The following YEATS4 variants were observed in gnomAD, a reference collection of about 807,000 sequenced individuals.
The protein encoded by YEATS4 is YEATS domain-containing protein 4.
A neutral mutation model predicts 30.1 loss-of-function variants in YEATS4; 17 were observed. The observed-to-expected ratio is 0.56, with a 90% CI of 0.39 to 0.85. YEATS4 has a LOEUF of 0.85. Among genes scored for constraint, YEATS4 ranks in the 40% least tolerant of loss-of-function variants. YEATS4 has a pLI of 0.00. For synonymous variants in YEATS4, 85 were observed against 87.5 expected, an observed-to-expected ratio of 0.97 and a Z score of 0.16; for missense variants, 142 against 268.3, an observed-to-expected ratio of 0.53 and a Z score of 3.29.
At chr12:69,365,586 A>T (rs745656140) in intron 2 of YEATS4, 47 bp from the exon 3 acceptor site, 9 of 1,374,668 alleles carry the variant, frequency 6.5e-6, no homozygotes, top group African/African-American at 4.4e-5. Context: ...TTTTTTTCCT[A>T]GTTTTCATTT....
the YEATS4 span, among the ~76,000 whole-genome samples, chr12:69,413,639 G>A: frequency 6.6e-6 from 1 of 151,716 alleles, no homozygotes; most frequent in African/African-American, 2.4e-5. Context: ...ATCACTTGAG[G>A]TCAGGAGTTC....
the YEATS4 span, among the ~76,000 whole-genome samples, chr12:69,412,943 G>A: frequency 6.6e-6 from 1 of 152,088 alleles, no homozygotes; most frequent in African/African-American, 2.4e-5. Context: ...CGGTGGAAGG[G>A]GGAGGGAAAA....
chr12:69,378,332 GA>G (rs968022239), intron 6 of YEATS4, among the ~76,000 whole-genome samples: 18 of 152,116 alleles, frequency 1.2e-4, no homozygotes, highest in African/African-American at 4.1e-4. Context: ...TGTGTCTTTT[GA>G]TTGGAGACTT....
At chr12:69,405,445 T>A in the YEATS4 span, among the ~76,000 whole-genome samples, 35 of 152,110 alleles carry the variant, frequency 2.3e-4, no homozygotes, top group African/African-American at 8.0e-4. Context: ...CAGCGTACAG[T>A]TTTTTTTCTT....
In YEATS4 at chr12:69,359,813, G is replaced by A; in HGVS notation, c.-160G>A. The A allele has an allele frequency of 1.3e-6, 1 of 794,414 alleles. No individual in the cohort carries two copies. The highest frequency in any genetic ancestry group is 2.8e-5 in the East Asian group (1 of 35,566). The allele number at this position is 794,414 out of a possible 1,614,324, so 49.2% of individuals were successfully genotyped here. A position where few individuals can be genotyped will look rare whatever the true frequency, so the allele number is the denominator to read the frequency against. On this transcript the variant is annotated 5_prime_UTR_variant, in exon 1 of 7. The change abolishes the stop of an existing upstream ORF in the 5' untranslated region. Transcript: ENST00000247843. ...AGGAGCACAGTCGGCCTGAGGAGTTGACGGTTACTCACCGCCGTGAGCCCA... is the reference window on the plus strand; with the variant it reads ...AGGAGCACAGTCGGCCTGAGGAGTTAACGGTTACTCACCGCCGTGAGCCCA...
chr12:69,404,637 A>G, the YEATS4 span, among the ~76,000 whole-genome samples: 1 of 152,186 alleles, frequency 6.6e-6, no homozygotes, highest in Admixed American at 6.5e-5. Flanking sequence ...CTCCAGAACC[A>G]TGAGCGAAAT....
chr12:69,420,884 A>G, the YEATS4 span, among the ~76,000 whole-genome samples: 2 of 152,132 alleles, frequency 1.3e-5, no homozygotes, highest in South Asian at 2.1e-4. Flanking sequence ...GATGCTGTAC[A>G]TGGATGGAAT....
At chr12:69,386,809 C>A (rs1375950907) in intron 6 of YEATS4, among the ~76,000 whole-genome samples, 1 of 152,092 alleles carries the variant, frequency 6.6e-6, no homozygotes, top group Non-Finnish European at 1.5e-5. Context: ...ATTCCAAGAA[C>A]CCCAGTGGAT....
At chr12:69,416,813 T>G in the YEATS4 span, among the ~76,000 whole-genome samples, 1 of 152,250 alleles carries the variant, frequency 6.6e-6, no homozygotes. Context: ...TGGCTCATGC[T>G]TGTAATCCCA....
At chr12:69,422,865 T>A in the YEATS4 span, 1 of 152,198 alleles carries the variant, frequency 6.6e-6, no homozygotes, top group African/African-American at 2.4e-5. Flanking sequence ...GAAACTGCAT[T>A]GTGATATGAG....
chr12:69,391,566 C>A (rs1322352603), downstream of YEATS4, among the ~76,000 whole-genome samples: 1 of 152,114 alleles, frequency 6.6e-6, no homozygotes, highest in Non-Finnish European at 1.5e-5. Context: ...TACTTTGTGG[C>A]TTTATTTTTT....
At chr12:69,382,189 A>C (rs1876105134) in intron 6 of YEATS4, among the ~76,000 whole-genome samples, 1 of 152,210 alleles carries the variant, frequency 6.6e-6, no homozygotes. Context: ...CTGCATTTGC[A>C]TGCGATGTTC....
chr12:69,376,308 A>T, intron 6 of YEATS4, among the ~76,000 whole-genome samples: 1 of 152,224 alleles, frequency 6.6e-6, no homozygotes, highest in Non-Finnish European at 1.5e-5. Context: ...GGAGGTTGCA[A>T]TGAGCCGAGA....
the YEATS4 span, among the ~76,000 whole-genome samples, chr12:69,413,419 C>T: frequency 6.6e-6 from 1 of 150,798 alleles, no homozygotes; most frequent in African/African-American, 2.4e-5. Flanking sequence ...CCTGGGATCT[C>T]ACATTGGAAA....
chr12:69,384,351 T>C (rs895938959), intron 6 of YEATS4, among the ~76,000 whole-genome samples: 7 of 152,238 alleles, frequency 4.6e-5, no homozygotes, highest in Non-Finnish European at 8.8e-5. Context: ...ATAATATGTT[T>C]TGTGAAAAGG....
chr12:69,360,434 G>A (rs988849737), intron 1 of YEATS4, among the ~76,000 whole-genome samples: 16 of 152,168 alleles, frequency 1.1e-4, no homozygotes, highest in African/African-American at 3.6e-4. Context: ...GCGCTTACCC[G>A]CAGTATTTCC....
intron 1 of YEATS4, among the ~76,000 whole-genome samples, chr12:69,362,013 GTTTTTTTTTTTT>G (rs533225716): frequency 1.7e-4 from 12 of 69,080 alleles, no homozygotes; most frequent in Non-Finnish European, 3.1e-5. Flanking sequence ...GTGTTTGGTT[GTTTTTTTTTTTT>G]TTTTTTTTTG....
At chr12:69,373,022 TTATC>T (rs563957321) in intron 6 of YEATS4, among the ~76,000 whole-genome samples, 138 of 152,352 alleles carry the variant, frequency 9.1e-4, no homozygotes, top group African/African-American at 3.3e-3. Flanking sequence ...CATATTTTCT[TTATC>T]CATTCATCTG....
chr12:69,418,075 A>G, the YEATS4 span, among the ~76,000 whole-genome samples: 13 of 152,182 alleles, frequency 8.5e-5, no homozygotes, highest in African/African-American at 3.1e-4. Context: ...TCTGATAGAG[A>G]CAGATTCTGG....
Sources: gnomAD v4.1 joint callset for allele counts (sites outside exome capture counted in the v4.1 genomes callset) on GRCh38, gnomAD v4.1.1 for gene constraint, MANE v1.5 for transcripts, NCBI Gene and HGNC (gene_info 2026-07-23, HGNC 2026-07-21) for gene names.